HDAC9: variants seen among roughly 807,000 people sequenced by gnomAD.
HDAC9 encodes MEF-2 interacting transcription repressor (MITR) protein.
HDAC9 carries 41 observed loss-of-function variants against 139.4 expected under a neutral mutation model. The observed-to-expected ratio is 0.29, with a 90% confidence interval of 0.23 to 0.38. The LOEUF (loss-of-function observed/expected upper bound fraction) is 0.38, where lower values mean the gene tolerates loss of function less well. HDAC9 is among the 10% of genes least tolerant of loss of function. The probability of loss-of-function intolerance (pLI) is 1.00; values close to 1 mark genes in which losing one functional copy is unlikely to be tolerated. For missense variants in HDAC9, 1,147 were observed against 1,297.0 expected (o/e 0.88, Z 1.78); for synonymous variants, 517 against 476.2 (o/e 1.09, Z -1.12).
At chr7:18,584,609 T>A (rs1828889919) in intron 2 of HDAC9, among the ~76,000 whole-genome samples, 1 of 152,220 alleles carries the variant, frequency 6.6e-6, no homozygotes, top group Non-Finnish European at 1.5e-5. Context: ...TTCCACCTTG[T>A]TTATTTTAGG....
chr7:18,767,380 A>G (rs1244083505), intron 16 of HDAC9, among the ~76,000 whole-genome samples: 2 of 152,192 alleles, frequency 1.3e-5, no homozygotes, highest in East Asian at 3.9e-4. Context: ...GAATTAAACC[A>G]AGAGCAAGGC....
intron 25 of HDAC9, among the ~76,000 whole-genome samples, chr7:18,985,042 G>A (rs918383080): frequency 6.6e-6 from 1 of 151,724 alleles, no homozygotes; most frequent in African/African-American, 2.4e-5. Flanking sequence ...GAATATTTCT[G>A]GATCTTTATT....
At chr7:18,231,771 C>A (rs1330088219) in intron 2 of HDAC9, among the ~76,000 whole-genome samples, 2 of 152,096 alleles carry the variant, frequency 1.3e-5, no homozygotes, top group African/African-American at 4.8e-5. Context: ...GGTTTACATG[C>A]CTCCTTCCTA....
intron 25 of HDAC9, among the ~76,000 whole-genome samples, chr7:18,982,676 A>T (rs1396227510): frequency 1.3e-5 from 2 of 152,130 alleles, no homozygotes; most frequent in Non-Finnish European, 2.9e-5. Flanking sequence ...TTTTACTTTT[A>T]ACACCGTCAA....
chr7:18,820,844 T>C (rs1202861096), intron 17 of HDAC9, among the ~76,000 whole-genome samples: 1 of 152,122 alleles, frequency 6.6e-6, no homozygotes, highest in Non-Finnish European at 1.5e-5. Flanking sequence ...TCATTAGAAA[T>C]AGAGATGAGT....
In HDAC9 at chr7:18,496,001, TG is replaced by T. The variant is rs1285368152; in HGVS notation, c.-63del. 1 of 1,404,838 alleles carries T rather than the reference TG, an allele frequency of 7.1e-7. No homozygotes were observed. The highest frequency in any genetic ancestry group is 9.2e-7 in the Non-Finnish European group (1 of 1,083,078). 87.0% of individuals were successfully genotyped at this position (1,404,838 alleles called of 1,614,324 possible). ...CTCCAGAGAGCTATAGCATCCACTC[TG>T]TCCTTTCTGCTTTGCACACAGGTTG... is the stretch of plus-strand genomic sequence containing the variant. On this transcript the variant is annotated 5_prime_UTR_variant, in exon 1 of 26. Coordinates refer to ENST00000686413, the MANE Select transcript of HDAC9 (RefSeq NM_178425.4).
chr7:18,458,740 G>A, intron 1 of HDAC9: 4 of 730,944 alleles, frequency 5.5e-6, no homozygotes, highest in Non-Finnish European at 2.4e-6. Context: ...CCTCTACTCA[G>A]AGTAGTAACA....
At chr7:18,473,997 T>A (rs1298202546) in intron 1 of HDAC9, among the ~76,000 whole-genome samples, 1 of 152,226 alleles carries the variant, frequency 6.6e-6, no homozygotes. Context: ...CAAGCCCTTG[T>A]ACTTTTCAGC....
At chr7:18,879,663 G>C (rs192805218) in intron 22 of HDAC9, among the ~76,000 whole-genome samples, 32 of 151,962 alleles carry the variant, frequency 2.1e-4, no homozygotes, top group African/African-American at 7.7e-4. Flanking sequence ...AAATCAACTC[G>C]AGATGGATTA....
intron 2 of HDAC9, among the ~76,000 whole-genome samples, chr7:18,170,247 A>G (rs1001251231): frequency 6.6e-6 from 1 of 152,238 alleles, no homozygotes; most frequent in African/African-American, 2.4e-5. Context: ...TATTGGCTTC[A>G]TAAAAGTCTT....
chr7:18,561,671 C>T (rs1820657945), intron 2 of HDAC9, among the ~76,000 whole-genome samples: 1 of 151,490 alleles, frequency 6.6e-6, no homozygotes, highest in African/African-American at 2.4e-5. Flanking sequence ...ATTTTTTGGA[C>T]ATTTGATATA....
At chr7:18,957,077 C>T (rs1783203670) in intron 24 of HDAC9, among the ~76,000 whole-genome samples, 1 of 152,068 alleles carries the variant, frequency 6.6e-6, no homozygotes, top group African/African-American at 2.4e-5. Flanking sequence ...ACCACAAGGA[C>T]AACTTAAATG....
chr7:18,710,011 T>C (rs953157957), intron 12 of HDAC9, among the ~76,000 whole-genome samples: 9 of 152,216 alleles, frequency 5.9e-5, no homozygotes, highest in Non-Finnish European at 1.3e-4. Context: ...ACAGGTTTAA[T>C]GGACTTAAAG....
chr7:18,573,066 G>A (rs966417468), intron 2 of HDAC9, among the ~76,000 whole-genome samples: 12 of 152,128 alleles, frequency 7.9e-5, no homozygotes, highest in African/African-American at 2.7e-4. Context: ...AGTCATTTGC[G>A]GTTATTTTTG....
rs181240009 is a variant in HDAC9 at position 18,186,106 on chromosome 7, A to C, written c.25+23757A>C. On this transcript the variant is annotated intron_variant, in intron 2 of 12. Coordinates refer to the HDAC9 transcript ENST00000417496. The stretch of plus-strand genomic sequence containing the variant: ...ATCCTATTTTGAAGATGGAAAACCA[A>C]GCCTTAGAGACTTGCCTAGCTAGGT... 2.0e-3 allele frequency among the ~76,000 whole-genome samples: 311 copies of C among 152,354 alleles called. 2 individuals are homozygous for C. Among genetic ancestry groups the C allele is most frequent in the Middle Eastern group, 6.8e-3 (2 of 294 alleles).
At chr7:18,753,472 T>C (rs1405831225) in intron 14 of HDAC9, among the ~76,000 whole-genome samples, 3 of 152,076 alleles carry the variant, frequency 2.0e-5, no homozygotes, top group African/African-American at 7.2e-5. Flanking sequence ...GGGGTTACTA[T>C]TTGACCAGGA....
chr7:18,225,284 G>T (rs1792978191), intron 2 of HDAC9, among the ~76,000 whole-genome samples: 1 of 152,134 alleles, frequency 6.6e-6, no homozygotes, highest in Admixed American at 6.5e-5. Flanking sequence ...ATGACCACAT[G>T]CTTCACACTT....
Position 18,903,059 on chromosome 7 carries a change from C to T in HDAC9, c.2803+28463C>T, listed in dbSNP as rs553427027. 2.6e-5 allele frequency among the ~76,000 whole-genome samples: 4 copies of T among 152,294 alleles called. No homozygotes were observed. The South Asian group carries it at 8.3e-4, about 32-fold the overall frequency. On this transcript the variant is annotated intron_variant, in intron 22 of 25. Transcript: ENST00000686413. Reference sequence around the variant, plus strand: ...ATGAACAAATATATTCAGCAATTTTCTTGCATGAGCAATTTGAAAACAATT... The same window carrying T: ...ATGAACAAATATATTCAGCAATTTTTTTGCATGAGCAATTTGAAAACAATT...
intron 16 of HDAC9, among the ~76,000 whole-genome samples, chr7:18,786,486 C>CT (rs1791749227): frequency 4.9e-4 from 16 of 32,718 alleles, no homozygotes; most frequent in African/African-American, 1.0e-3. Context: ...TCCTTCCTTT[C>CT]TTCCTTCCTT....
Sources: allele counts gnomAD v4.1 joint callset (sites outside exome capture counted in the v4.1 genomes callset), GRCh38; gene constraint gnomAD v4.1.1; transcripts MANE v1.5; gene names NCBI Gene and HGNC (gene_info 2026-07-23, HGNC 2026-07-21).